Variants in ZNF341 observed in about 807,000 individuals in gnomAD.
ZNF341 encodes the protein zinc finger protein 341.
In ZNF341, 52 loss-of-function variants were observed where a neutral mutation model predicts 87.7. That is an observed-to-expected ratio of 0.59 (90% CI 0.47 to 0.75). The LOEUF (loss-of-function observed/expected upper bound fraction) is 0.75. Among genes scored for constraint, ZNF341 ranks in the 30% least tolerant of loss-of-function variants. The pLI is 0.00. For missense variants in ZNF341, 977 were observed against 1,145.9 expected, an observed-to-expected ratio of 0.85 and a Z score of 2.13; for synonymous variants, 459 against 472.7, an observed-to-expected ratio of 0.97 and a Z score of 0.38.
At chr20:33,782,070 A>C (rs1365206778) in intron 11 of ZNF341, among the ~76,000 whole-genome samples, 1 of 152,022 alleles carries the variant, frequency 6.6e-6, no homozygotes, top group African/African-American at 2.4e-5. Flanking sequence ...AGACTCCCAG[A>C]GTGTTGGGAT....
intron 3 of ZNF341, 144 bp from the exon 4 acceptor site, chr20:33,748,779 G>A (rs1326982870): frequency 1.2e-5 from 9 of 760,528 alleles, no homozygotes; most frequent in African/African-American, 1.8e-5. Flanking sequence ...CACGTCTGTG[G>A]GATTCCAGAA....
chr20:33,763,961 A>T (rs1315104679), intron 8 of ZNF341, among the ~76,000 whole-genome samples: 1 of 148,076 alleles, frequency 6.8e-6, no homozygotes, highest in Non-Finnish European at 1.5e-5. Flanking sequence ...AGGTGAGAGG[A>T]TCTTTTGAGC....
intron 11 of ZNF341, 45 bp from the exon 12 acceptor site, chr20:33,783,687 G>C (rs2019788388): frequency 1.2e-6 from 2 of 1,612,016 alleles, no homozygotes; most frequent in Admixed American, 3.3e-5. Context: ...GGCCAGGGGA[G>C]GGGGGCCCGG....
At chr20:33,773,541 G>A (rs184220970) in intron 10 of ZNF341, among the ~76,000 whole-genome samples, 105 of 152,270 alleles carry the variant, frequency 6.9e-4, no homozygotes, top group African/African-American at 1.9e-3. Flanking sequence ...CTTGGGCAAG[G>A]TATTCAGCCA....
At chr20:33,781,473 C>T (rs1213931422) in intron 11 of ZNF341, 86 bp downstream of exon 11, 42 of 1,227,880 alleles carry the variant, frequency 3.4e-5, no homozygotes, top group Middle Eastern at 3.8e-4. Flanking sequence ...CCCTTTCCTT[C>T]TCCTCTCTCA....
intron 10 of ZNF341, among the ~76,000 whole-genome samples, chr20:33,773,801 T>C (rs2019573088): frequency 6.6e-6 from 1 of 152,132 alleles, no homozygotes; most frequent in Non-Finnish European, 1.5e-5. Flanking sequence ...TTCTGTCTCA[T>C]AGTGACATTT....
intron 10 of ZNF341, among the ~76,000 whole-genome samples, chr20:33,772,510 C>A (rs1489194500): frequency 6.6e-6 from 1 of 151,960 alleles, no homozygotes; most frequent in African/African-American, 2.4e-5. Flanking sequence ...ACAAATGCAC[C>A]CTATCACTTG....
intron 1 of ZNF341, among the ~76,000 whole-genome samples, chr20:33,734,619 G>C (rs2018642159): frequency 6.6e-6 from 1 of 152,180 alleles, no homozygotes; most frequent in African/African-American, 2.4e-5. Context: ...GTGCCCTGGT[G>C]CCCTGTTCTC....
At chr20:33,754,345 C>A (rs2019128121) in intron 5 of ZNF341, among the ~76,000 whole-genome samples, 1 of 152,168 alleles carries the variant, frequency 6.6e-6, no homozygotes, top group Non-Finnish European at 1.5e-5. Flanking sequence ...CCTTCCAAGA[C>A]ACCAGTGCTA....
chr20:33,786,557 G>A (rs534212516), intron 12 of ZNF341, among the ~76,000 whole-genome samples: 1 of 152,304 alleles, frequency 6.6e-6, no homozygotes, highest in African/African-American at 2.4e-5. Flanking sequence ...AGAAGCTTAA[G>A]ATGGTCAATT....
chr20:33,751,886 T>C (rs1157993972), intron 4 of ZNF341, among the ~76,000 whole-genome samples: 1 of 152,096 alleles, frequency 6.6e-6, no homozygotes, highest in Non-Finnish European at 1.5e-5. Context: ...AGGGTTTCTG[T>C]TAGGGATTGG....
intron 6 of ZNF341, among the ~76,000 whole-genome samples, chr20:33,757,627 G>T (rs1175786937): frequency 2.0e-5 from 3 of 152,128 alleles, no homozygotes; most frequent in African/African-American, 7.2e-5. Flanking sequence ...AGTTATCCTG[G>T]TGCCTCATTG....
At chr20:33,765,107 T>A (rs151310166) in intron 8 of ZNF341, among the ~76,000 whole-genome samples, 60 of 151,892 alleles carry the variant, frequency 4.0e-4, no homozygotes, top group African/African-American at 1.4e-3. Flanking sequence ...GAATTATAGG[T>A]GTGAGCCATC....
In ZNF341 at chr20:33,792,250, AATGTTTTTGTCATAAC is replaced by A. The variant is rs2020054748; in HGVS notation, c.*734_*749del. The A allele has an allele frequency of 1.3e-5, 2 of 152,160 alleles. No individual in the cohort carries two copies. The highest frequency in any genetic ancestry group is 4.1e-4 in the South Asian group (2 of 4,824). 9.4% of individuals were successfully genotyped at this position (152,160 alleles called of 1,614,324 possible). ...CCCGGCACGCAGAAAGTGCTCAATA[AATGTTTTTGTCATAAC>A]GTGTCCGGGTGGCCTGGGCCAAGCT... On this transcript the variant is annotated 3_prime_UTR_variant, in exon 15 of 15. Transcript: ENST00000375200.
chr20:33,765,545 A>G (rs955854496), intron 8 of ZNF341, among the ~76,000 whole-genome samples: 1 of 151,570 alleles, frequency 6.6e-6, no homozygotes, highest in African/African-American at 2.4e-5. Context: ...TGCCCAGCTA[A>G]TTTTGTTTAT....
chr20:33,741,161 C>T (rs1380600650), intron 2 of ZNF341, 149 bp downstream of exon 2: 10 of 718,024 alleles, frequency 1.4e-5, no homozygotes, highest in Admixed American at 2.5e-5. Context: ...GCCTCCCAGC[C>T]GGGATCTTTG....
intron 2 of ZNF341, among the ~76,000 whole-genome samples, chr20:33,743,344 T>TC (rs1409444477): frequency 6.8e-6 from 1 of 148,066 alleles, no homozygotes; most frequent in Non-Finnish European, 1.5e-5. Context: ...AATTTTTTTT[T>TC]TTTTTTTTTT....
chr20:33,791,352 G>A lies in ZNF341; in HGVS notation c.2400G>A (p.Val800=). The A allele has an allele frequency of 6.2e-7, 1 of 1,612,404 alleles. No individual in the cohort carries two copies. Among genetic ancestry groups the A allele is most frequent in the Non-Finnish European group, 8.5e-7 (1 of 1,179,486 alleles). ...CGCCCTTCGCAGAGCCGGACGCGGT[G>A]CTGTCCATCGTTGTGGGTGGTGCGG... ...GKPPFAEPDA[V]LSIVVGGAVG... The change falls in exon 15 of 15, where the codon GTG becomes GTA. Residue 800 remains valine, a synonymous_variant. Coordinates refer to ENST00000375200, the MANE Select transcript of ZNF341 (RefSeq NM_001282933.2).
At chr20:33,739,029 G>A (rs1042795384) in intron 1 of ZNF341, among the ~76,000 whole-genome samples, 3 of 152,128 alleles carry the variant, frequency 2.0e-5, no homozygotes, top group Admixed American at 1.3e-4. Context: ...GGAGTGCAGT[G>A]GCGCCATCTC....
Sources: allele counts gnomAD v4.1 joint callset (sites outside exome capture counted in the v4.1 genomes callset), GRCh38; gene constraint gnomAD v4.1.1; transcripts MANE v1.5; gene names NCBI Gene and HGNC (gene_info 2026-07-23, HGNC 2026-07-21).